PCDHGA5: variants seen among roughly 807,000 people sequenced by gnomAD.
PCDHGA5 encodes protocadherin gamma-A5.
Under a neutral mutation model 56.7 loss-of-function variants are expected in PCDHGA5, and 36 were observed. The observed-to-expected ratio is 0.64, with a 90% CI of 0.49 to 0.84. The LOEUF is 0.84. PCDHGA5 is among the 40% of genes least tolerant of loss of function. The pLI is 0.00. For missense variants in PCDHGA5, 1,305 were observed against 1,201.5 expected, an observed-to-expected ratio of 1.09 and a Z score of -1.27; for synonymous variants, 563 against 520.2, an observed-to-expected ratio of 1.08 and a Z score of -1.12.
intron 1 of PCDHGA5, chr5:141,370,863 G>A (rs755596039): frequency 6.2e-7 from 1 of 1,614,050 alleles, no homozygotes; most frequent in Non-Finnish European, 8.5e-7. Context: ...CCTGGAATCT[G>A]CGCAAGATCC....
intron 1 of PCDHGA5, chr5:141,383,876 G>A (rs747987128): frequency 3.7e-6 from 6 of 1,613,860 alleles, no homozygotes; most frequent in African/African-American, 1.3e-5. Context: ...GATGGTCCTG[G>A]TAGTCTGACA....
chr5:141,389,118 C>A (rs2091610213), intron 1 of PCDHGA5: 1 of 1,613,888 alleles, frequency 6.2e-7, no homozygotes, highest in Admixed American at 1.7e-5. Context: ...AGACCGCGAG[C>A]AGAATCCAGA....
At chr5:141,423,415 G>A (rs779262475) in intron 1 of PCDHGA5, 103 of 1,614,016 alleles carry the variant, frequency 6.4e-5, no homozygotes, top group African/African-American at 1.2e-4. Context: ...GCAGGCTTCT[G>A]AAGGCGGGTT....
At chr5:141,428,102 G>A (rs774075619) in intron 1 of PCDHGA5, 1 of 1,608,518 alleles carries the variant, frequency 6.2e-7, no homozygotes, top group Non-Finnish European at 8.5e-7. Context: ...CCTACCACGT[G>A]CTGCAGGCCA....
chr5:141,491,712 G>A lies in PCDHGA5; in HGVS notation c.2422-3095G>A, dbSNP rs932849130. On this transcript the variant is annotated intron_variant, in intron 1 of 3. Coordinates refer to ENST00000518069, the MANE Select transcript of PCDHGA5 (RefSeq NM_018918.3). The surrounding 1 kb of genome is among the most constrained non-coding windows in gnomAD (Gnocchi z 6.9). Reference sequence around the variant, plus strand: ...GGGAGCGGAGCCAGGTGAGGGGCTCGGCGCCGCCCCGGGCGACCCCTGGGG... The same window carrying A: ...GGGAGCGGAGCCAGGTGAGGGGCTCAGCGCCGCCCCGGGCGACCCCTGGGG... The A allele has an allele frequency of 1.2e-6, 2 of 1,609,290 alleles. No homozygotes were observed. Among genetic ancestry groups the A allele is most frequent in the East Asian group, 2.2e-5 (1 of 44,760 alleles).
At chr5:141,385,000 T>C (rs1271412814) in intron 1 of PCDHGA5, 1 of 1,614,138 alleles carries the variant, frequency 6.2e-7, no homozygotes, top group South Asian at 1.1e-5. Flanking sequence ...GGCCACAGTC[T>C]CCTGCGTCTT....
chr5:141,413,425 C>T, intron 1 of PCDHGA5: 1 of 1,614,098 alleles, frequency 6.2e-7, no homozygotes, highest in Non-Finnish European at 8.5e-7. Flanking sequence ...TCTGAACCCG[C>T]GCAGCGGCAG....
At position 141,489,910 on chromosome 5, in the gene PCDHGA5, G is replaced by T; in HGVS notation, c.2422-4897G>T. ...GGATGGGGGGACCCCAGCCCGCTCA[G>T]GGACCACCCTTATCTCTGTCATCGT... On this transcript the variant is annotated intron_variant, in intron 1 of 3. Transcript: ENST00000518069. This position sits in a 1 kb window ranked among gnomAD's most constrained non-coding sequence, Gnocchi z 4.5. 1 of 1,614,226 alleles carries T rather than the reference G, an allele frequency of 6.2e-7. No homozygotes were observed. The highest frequency in any genetic ancestry group is 8.5e-7 in the Non-Finnish European group (1 of 1,180,030).
intron 2 of PCDHGA5, among the ~76,000 whole-genome samples, chr5:141,498,839 A>C (rs2099786236): frequency 6.6e-6 from 1 of 152,062 alleles, no homozygotes; most frequent in Non-Finnish European, 1.5e-5. Context: ...AGGCTGAGGC[A>C]GGGGAATCGC....
In PCDHGA5 at chr5:141,387,802, G is replaced by A. The variant is rs916959942; in HGVS notation, c.2421+21051G>A. 2.0e-6 allele frequency: 3 copies of A among 1,511,984 alleles called. No homozygotes were observed. The Admixed American group carries it at 7.0e-5, about 35-fold the overall frequency. 93.7% of individuals were successfully genotyped at this position (1,511,984 alleles called of 1,614,324 possible). On this transcript the variant is annotated intron_variant, in intron 1 of 3. Coordinates refer to ENST00000518069, the MANE Select transcript of PCDHGA5 (RefSeq NM_018918.3). ...CTGGAACTGCAACTAAAGTCCGTTC[G>A]GAGATCCAAAAATCTGCAATACAGA...
intron 1 of PCDHGA5, chr5:141,374,023 A>C: frequency 7.1e-7 from 1 of 1,412,854 alleles, no homozygotes; most frequent in South Asian, 1.7e-5. Flanking sequence ...GAGAAGAGCA[A>C]AAGTGATGCA....
chr5:141,386,612 T>C (rs2090642858), intron 1 of PCDHGA5, among the ~76,000 whole-genome samples: 1 of 152,012 alleles, frequency 6.6e-6, no homozygotes, highest in South Asian at 2.1e-4. Context: ...TTTTTTGACA[T>C]GGAGTCTCGC....
chr5:141,476,357 C>T lies in PCDHGA5; in HGVS notation c.2422-18450C>T. On this transcript the variant is annotated intron_variant, in intron 1 of 3. Transcript: ENST00000518069. The surrounding 1 kb of genome is among the most constrained non-coding windows in gnomAD (Gnocchi z 7.6). ...TAGCCGAAGATTCTTTGAGGTGAAC[C>T]GGGAGACCGGAGAGATGTTTGTGAA... The T allele has an allele frequency of 6.2e-7, 1 of 1,614,052 alleles. No individual in the cohort carries two copies. The highest frequency in any genetic ancestry group is 2.2e-5 in the East Asian group (1 of 44,854).
chr5:141,372,451 C>T, intron 1 of PCDHGA5: 1 of 1,614,042 alleles, frequency 6.2e-7, no homozygotes, highest in Non-Finnish European at 8.5e-7. Context: ...GACCCTCAGG[C>T]GGAGCTACAG....
At chr5:141,400,234 G>A (rs749957043) in intron 1 of PCDHGA5, 11 of 1,613,984 alleles carry the variant, frequency 6.8e-6, no homozygotes, top group East Asian at 6.7e-5. Flanking sequence ...CCTCCTGGCC[G>A]TGATTCTGGC....
At position 141,491,539 on chromosome 5, in the gene PCDHGA5, A is replaced by G; in HGVS notation, c.2422-3268A>G. ...GTACATGGAGGTGACGCTGCGGCCC[A>G]CAGACTCGCAGAGCCACTGCTACAG... On this transcript the variant is annotated intron_variant, in intron 1 of 3. Coordinates refer to ENST00000518069, the MANE Select transcript of PCDHGA5 (RefSeq NM_018918.3). This position sits in a 1 kb window ranked among gnomAD's most constrained non-coding sequence, Gnocchi z 6.9. The G allele has an allele frequency of 6.2e-7, 1 of 1,613,968 alleles. No homozygotes were observed. The highest frequency in any genetic ancestry group is 1.1e-5 in the South Asian group (1 of 91,074).
intron 1 of PCDHGA5, among the ~76,000 whole-genome samples, chr5:141,453,193 A>G (rs2098757675): frequency 6.6e-6 from 1 of 152,142 alleles, no homozygotes; most frequent in Admixed American, 6.5e-5. Context: ...AGCTCACTGC[A>G]GCCTCAACCT....
chr5:141,439,065 C>T (rs571768018), intron 1 of PCDHGA5, among the ~76,000 whole-genome samples: 13 of 151,628 alleles, frequency 8.6e-5, no homozygotes, highest in East Asian at 7.9e-4. Flanking sequence ...GTGTGGCAGG[C>T]GCCTGTAATC....
rs1404447940 is a variant in PCDHGA5 at position 141,428,036 on chromosome 5, C to T, written c.2421+61285C>T. On this transcript the variant is annotated intron_variant, in intron 1 of 3. Transcript: ENST00000518069. ...TGCCACGCGCCGCAGAGTCCGGCTA[C>T]CTGGTGACCAAGGTGGTGGCGGTGG... The T allele has an allele frequency of 3.7e-6, 6 of 1,608,246 alleles. No homozygotes were observed. The African/African-American group carries it at 4.0e-5, about 11-fold the overall frequency.
Sources: gnomAD v4.1 joint callset for allele counts (sites outside exome capture counted in the v4.1 genomes callset) on GRCh38, gnomAD v4.1.1 for gene constraint, Gnocchi (gnomAD v3.1) non-coding constraint, MANE v1.5 for transcripts, NCBI Gene and HGNC (gene_info 2026-07-23, HGNC 2026-07-21) for gene names.